Variants in LCLAT1 observed in about 807,000 individuals in gnomAD.
The protein encoded by LCLAT1 is lysocardiolipin acyltransferase 1, also known as 1-AGP acyltransferase 8.
LCLAT1 carries 11 observed loss-of-function variants against 30.7 expected under a neutral mutation model. The ratio of observed to expected loss-of-function variants is 0.36; its 90% CI spans 0.23 to 0.59. The LOEUF (loss-of-function observed/expected upper bound fraction) is 0.59. Ranked by LOEUF, LCLAT1 falls within the 20% of genes least tolerant of loss-of-function variation. The probability of loss-of-function intolerance (pLI) is 0.77; values close to 1 mark genes in which losing one functional copy is unlikely to be tolerated. For synonymous variants in LCLAT1, 155 were observed against 151.3 expected (o/e 1.02, Z -0.18); for missense variants, 402 against 458.6 (o/e 0.88, Z 1.13).
chr2:30,495,550 T>TA (rs1375912106), intron 1 of LCLAT1, among the ~76,000 whole-genome samples: 7 of 151,818 alleles, frequency 4.6e-5, no homozygotes, highest in African/African-American at 1.4e-4. Context: ...GCTAGAAGAT[T>TA]AAAAAAAAGA....
chr2:30,506,092 C>T (rs829657), intron 1 of LCLAT1, among the ~76,000 whole-genome samples: 14,588 of 152,054 alleles, frequency 0.096, 742 homozygotes, highest in East Asian at 0.14. Context: ...TTTAACTGTC[C>T]TGTTGTGTTT....
chr2:30,592,384 GTGAGAGGATGGCT>G (rs1364722075), intron 5 of LCLAT1, among the ~76,000 whole-genome samples: 1 of 152,162 alleles, frequency 6.6e-6, no homozygotes, highest in Non-Finnish European at 1.5e-5. Flanking sequence ...GGAGGTTGAG[GTGAGAGGATGGCT>G]TGAGCTTGCT....
chr2:30,554,874 A>T (rs1263349985), intron 3 of LCLAT1, among the ~76,000 whole-genome samples: 2 of 152,158 alleles, frequency 1.3e-5, no homozygotes, highest in Non-Finnish European at 2.9e-5. Flanking sequence ...GAGAGGAGAG[A>T]TCCAGAAGTT....
intron 1 of LCLAT1, among the ~76,000 whole-genome samples, chr2:30,494,916 A>G (rs1684028541): frequency 6.7e-6 from 1 of 150,090 alleles, no homozygotes; most frequent in Non-Finnish European, 1.5e-5. Context: ...TAATGATTCC[A>G]GGTTCGTTTC....
At chr2:30,515,160 C>T (rs1043138305) in intron 1 of LCLAT1, among the ~76,000 whole-genome samples, 2 of 152,162 alleles carry the variant, frequency 1.3e-5, no homozygotes, top group African/African-American at 4.8e-5. Flanking sequence ...TATTCTCTCC[C>T]CTCCCACAAC....
chr2:30,474,699 A>T (rs1682961090), intron 1 of LCLAT1, among the ~76,000 whole-genome samples: 1 of 148,408 alleles, frequency 6.7e-6, no homozygotes, highest in South Asian at 2.1e-4. Context: ...CCCAGGCTGG[A>T]GTGCAGTGGC....
At chr2:30,467,184 G>A (rs935649619) in intron 1 of LCLAT1, among the ~76,000 whole-genome samples, 2 of 152,092 alleles carry the variant, frequency 1.3e-5, no homozygotes, top group Admixed American at 6.5e-5. Context: ...GTGAGAATAC[G>A]TGGTATTTGG....
At chr2:30,455,302 T>C (rs1681777209) in intron 1 of LCLAT1, among the ~76,000 whole-genome samples, 1 of 152,160 alleles carries the variant, frequency 6.6e-6, no homozygotes, top group South Asian at 2.1e-4. Flanking sequence ...TACTTGGAGA[T>C]GGGGAGATAT....
intron 1 of LCLAT1, among the ~76,000 whole-genome samples, chr2:30,448,452 A>G (rs990216002): frequency 2.0e-5 from 3 of 152,258 alleles, no homozygotes; most frequent in South Asian, 2.1e-4. Context: ...ACAGATAAGC[A>G]TAATGTTAAC....
chr2:30,521,072 G>T (rs749761114), intron 1 of LCLAT1, among the ~76,000 whole-genome samples: 2 of 152,144 alleles, frequency 1.3e-5, no homozygotes, highest in Non-Finnish European at 2.9e-5. Flanking sequence ...TTAAGGAGCT[G>T]GCCAAAACCC....
At chr2:30,505,977 C>T (rs1225683933) in intron 1 of LCLAT1, among the ~76,000 whole-genome samples, 2 of 152,056 alleles carry the variant, frequency 1.3e-5, no homozygotes, top group East Asian at 1.9e-4. Context: ...TCTCAGACTT[C>T]CCCCAGGGAA....
Position 30,640,341 on chromosome 2 carries a change from A to G in LCLAT1, c.853A>G (p.Lys285Glu). 6.2e-7 allele frequency: 1 copy of G among 1,614,210 alleles called. No individual in the cohort carries two copies. Among genetic ancestry groups the G allele is most frequent in the African/African-American group, 1.3e-5 (1 of 75,044 alleles). The change falls in exon 6 of 6, where the codon AAG becomes GAG. Residue 285 changes from lysine (K) to glutamate (E), a missense_variant. Coordinates refer to ENST00000379509, the MANE Select transcript of LCLAT1 (RefSeq NM_001002257.3). ...GCTGCGTTCCTTCTATCAAGGGGAG[A>G]AGAATTTTTATTTTACCGGACAGAG... Reference protein sequence around the residue: ...ERLRSFYQGEKNFYFTGQSVI... With the variant: ...ERLRSFYQGEENFYFTGQSVI...
At chr2:30,502,528 T>C (rs1300251934) in intron 1 of LCLAT1, among the ~76,000 whole-genome samples, 1 of 152,138 alleles carries the variant, frequency 6.6e-6, no homozygotes, top group Non-Finnish European at 1.5e-5. Flanking sequence ...ACATTCCCAC[T>C]GTCCCCAGCC....
At chr2:30,509,232 C>T (rs1684822758) in intron 1 of LCLAT1, among the ~76,000 whole-genome samples, 1 of 152,186 alleles carries the variant, frequency 6.6e-6, no homozygotes. Flanking sequence ...GTTTGACTTC[C>T]TCTCTTCCTA....
At chr2:30,517,829 A>G (rs1232549789) in intron 1 of LCLAT1, among the ~76,000 whole-genome samples, 2 of 152,188 alleles carry the variant, frequency 1.3e-5, no homozygotes, top group Non-Finnish European at 2.9e-5. Flanking sequence ...TTTAAAAGCC[A>G]GGGTAAATTT....
intron 1 of LCLAT1, among the ~76,000 whole-genome samples, chr2:30,504,161 T>C (rs1188954824): frequency 6.6e-6 from 1 of 152,078 alleles, no homozygotes; most frequent in Non-Finnish European, 1.5e-5. Flanking sequence ...CATAAACATA[T>C]ACAACATATT....
rs143261514 is a variant in LCLAT1 at position 30,480,395 on chromosome 2, A to T, written c.-5+33012A>T. Among the ~76,000 whole-genome samples the T allele has an allele frequency of 7.9e-5, 12 of 152,098 alleles. No homozygotes were observed. The East Asian group carries it at 2.3e-3, about 29-fold the overall frequency. ...TTCTTTGTAGAAATGGGGTTTTGCC[A>T]TGTTACCCAGGCTGGTCTCCAACTT... is the stretch of plus-strand genomic sequence containing the variant. On this transcript the variant is annotated intron_variant, in intron 1 of 5. Coordinates refer to ENST00000379509, the MANE Select transcript of LCLAT1 (RefSeq NM_001002257.3).
intron 5 of LCLAT1, among the ~76,000 whole-genome samples, chr2:30,598,260 CTG>C (rs969250727): frequency 2.0e-5 from 3 of 152,074 alleles, no homozygotes; most frequent in Non-Finnish European, 4.4e-5. Flanking sequence ...GGCTGTAAAT[CTG>C]TCTGGTCCTG....
At chr2:30,504,683 T>C (rs1684570058) in intron 1 of LCLAT1, among the ~76,000 whole-genome samples, 1 of 152,168 alleles carries the variant, frequency 6.6e-6, no homozygotes, top group Non-Finnish European at 1.5e-5. Flanking sequence ...GCTAAGCTAC[T>C]TCTTTTTCCT....
Sources: gnomAD v4.1 joint callset for allele counts (sites outside exome capture counted in the v4.1 genomes callset) on GRCh38, gnomAD v4.1.1 for gene constraint, MANE v1.5 for transcripts, NCBI Gene and HGNC (gene_info 2026-07-23, HGNC 2026-07-21) for gene names.